Variants in DACH2 observed in about 807,000 individuals in gnomAD.
DACH2 encodes dachshund family transcription factor 2, also known as dachshund homolog 2.
DACH2 carries 17 observed loss-of-function variants against 35.8 expected under a neutral mutation model. The observed-to-expected ratio is 0.48, with a 90% CI of 0.33 to 0.71. DACH2 has a LOEUF of 0.71. Ranked by LOEUF, DACH2 falls within the 30% of genes least tolerant of loss-of-function variation. The pLI, the probability that DACH2 is intolerant of heterozygous loss-of-function variation, is 0.02. For missense variants in DACH2, 469 were observed against 472.7 expected (o/e 0.99, Z 0.07); for synonymous variants, 195 against 177.3 (o/e 1.10, Z -0.79).
At chrX:86,219,693 AG>A (rs1426674837) in intron 1 of DACH2, among the ~76,000 whole-genome samples, 1 of 111,283 alleles carries the variant, frequency 9.0e-6, no homozygotes, top group Non-Finnish European at 1.9e-5. Context: ...GATGTGCAAA[AG>A]CTTTTTAGTT....
At chrX:86,294,109 G>T (rs2034381642) in intron 1 of DACH2, among the ~76,000 whole-genome samples, 2 of 111,232 alleles carry the variant, frequency 1.8e-5, no homozygotes, top group Admixed American at 1.9e-4. Context: ...ATTTCTTGGA[G>T]GCTTTGCTCG....
intron 11 of DACH2, among the ~76,000 whole-genome samples, chrX:86,822,717 C>T (rs1009514519): frequency 9.0e-5 from 10 of 111,351 alleles, no homozygotes; most frequent in Admixed American, 3.8e-4. Flanking sequence ...GTTAATTAAA[C>T]GAAATAGTCT....
At chrX:86,769,386 G>A (rs1040110655) in intron 7 of DACH2, among the ~76,000 whole-genome samples, 2 of 112,154 alleles carry the variant, frequency 1.8e-5, no homozygotes, top group African/African-American at 6.5e-5. Flanking sequence ...TACACATCCT[G>A]TGCAATCTCT....
chrX:86,199,075 G>A (rs1602276555), intron 1 of DACH2, among the ~76,000 whole-genome samples: 1 of 110,852 alleles, frequency 9.0e-6, no homozygotes, highest in South Asian at 3.9e-4. Flanking sequence ...CCATGATCAA[G>A]TATGCTTTAT....
chrX:86,470,880 A>G (rs2037751209), intron 2 of DACH2, among the ~76,000 whole-genome samples: 2 of 111,666 alleles, frequency 1.8e-5, no homozygotes, highest in African/African-American at 6.5e-5. Flanking sequence ...TAATGGCTAA[A>G]ATAAGGATTT....
chrX:86,294,911 G>A lies in DACH2; in HGVS notation c.489-81913G>A, dbSNP rs57067411. Among the ~76,000 whole-genome samples, 95 of 110,945 alleles carry A rather than the reference G, an allele frequency of 8.6e-4. 1 individual carries two copies. The highest frequency in any genetic ancestry group is 3.0e-3 in the African/African-American group (93 of 30,548). The stretch of plus-strand genomic sequence containing the variant: ...CCTGCCCCCAGAGGTGGAGCCTACA[G>A]AGGCAGGCAGGCCTCCTTGAGCTGT... On this transcript the variant is annotated intron_variant, in intron 1 of 11. Transcript: ENST00000373125.
At chrX:86,214,869 G>A (rs2032533012) in intron 1 of DACH2, among the ~76,000 whole-genome samples, 1 of 111,187 alleles carries the variant, frequency 9.0e-6, no homozygotes, top group East Asian at 2.8e-4. Flanking sequence ...CAAGATAAAG[G>A]GAGAAAAACC....
intron 4 of DACH2, among the ~76,000 whole-genome samples, chrX:86,688,308 G>A (rs777796741): frequency 4.5e-5 from 5 of 110,946 alleles, no homozygotes; most frequent in South Asian, 3.8e-4. Flanking sequence ...TATTTCAGTC[G>A]TTATGTCAAG....
chrX:86,712,516 A>T lies in DACH2; in HGVS notation c.932-2032A>T, dbSNP rs1024064388. Among the ~76,000 whole-genome samples, 3 of 110,333 alleles carry T rather than the reference A, an allele frequency of 2.7e-5. 1 individual carries two copies. The South Asian group carries it at 1.1e-3, about 42-fold the overall frequency. ...TATTTAATTATCCCACGTTGTGTGT[A>T]TATATATATGTGTGTATATATGTGT... On this transcript the variant is annotated intron_variant, in intron 5 of 11. Coordinates refer to ENST00000373125, the MANE Select transcript of DACH2 (RefSeq NM_053281.3).
chrX:86,415,599 T>C (rs1333858257), intron 2 of DACH2, among the ~76,000 whole-genome samples: 1 of 111,672 alleles, frequency 9.0e-6, no homozygotes, highest in Non-Finnish European at 1.9e-5. Context: ...ATTCACTATC[T>C]TTCCTCCCCT....
intron 7 of DACH2, among the ~76,000 whole-genome samples, chrX:86,788,248 G>A (rs1346948572): frequency 3.6e-5 from 4 of 110,899 alleles, no homozygotes; most frequent in African/African-American, 9.8e-5. Flanking sequence ...TACTCGCCCA[G>A]CTCCTGAGAT....
chrX:86,214,715 A>T (rs2032529142), intron 1 of DACH2, among the ~76,000 whole-genome samples: 1 of 111,673 alleles, frequency 9.0e-6, no homozygotes, highest in Admixed American at 9.5e-5. Flanking sequence ...TAAGATTCAA[A>T]ATAAAGAAAA....
At chrX:86,320,887 T>C (rs2035003077) in intron 1 of DACH2, among the ~76,000 whole-genome samples, 1 of 112,196 alleles carries the variant, frequency 8.9e-6, no homozygotes, top group African/African-American at 3.2e-5. Context: ...GAGCCTCAGA[T>C]TCCCAAGTGG....
chrX:86,284,417 C>T (rs2887271), intron 1 of DACH2, among the ~76,000 whole-genome samples: 47,815 of 110,603 alleles, frequency 0.43, 7,895 homozygotes, highest in East Asian at 0.54. Context: ...TTGAACCATC[C>T]TAGTATCCCA....
chrX:86,248,508 A>G (rs949379326), intron 1 of DACH2, among the ~76,000 whole-genome samples: 1 of 111,316 alleles, frequency 9.0e-6, no homozygotes, highest in African/African-American at 3.3e-5. Flanking sequence ...TATCTCTACA[A>G]TGAGAATTAC....
chrX:86,584,977 G>A (rs2039550589), intron 3 of DACH2, among the ~76,000 whole-genome samples: 1 of 111,197 alleles, frequency 9.0e-6, no homozygotes, highest in African/African-American at 3.3e-5. Flanking sequence ...CAAAGAACAT[G>A]ATTTTATTCT....
chrX:86,322,961 A>G (rs1327669561), intron 1 of DACH2, among the ~76,000 whole-genome samples: 1 of 112,306 alleles, frequency 8.9e-6, no homozygotes, highest in African/African-American at 3.2e-5. Context: ...CTGAAAGCAG[A>G]GTTCTCCTGT....
At chrX:86,510,424 C>T (rs1286996189) in intron 2 of DACH2, among the ~76,000 whole-genome samples, 1 of 111,829 alleles carries the variant, frequency 8.9e-6, no homozygotes, top group African/African-American at 3.2e-5. Flanking sequence ...CAAGGTAATG[C>T]TCTGATGGTA....
chrX:86,663,987 A>C (rs1376273510), intron 4 of DACH2, among the ~76,000 whole-genome samples: 1 of 112,240 alleles, frequency 8.9e-6, no homozygotes, highest in Non-Finnish European at 1.9e-5. Flanking sequence ...TTTAACCAGG[A>C]GGCAAAAGTT....
Sources: allele counts gnomAD v4.1 joint callset (sites outside exome capture counted in the v4.1 genomes callset), GRCh38; gene constraint gnomAD v4.1.1; transcripts MANE v1.5; gene names NCBI Gene and HGNC (gene_info 2026-07-23, HGNC 2026-07-21).